ABHD12: variants seen among roughly 807,000 people sequenced by gnomAD.
ABHD12 encodes the protein lysophosphatidylserine lipase ABHD12.
Under a neutral mutation model 58.3 loss-of-function variants are expected in ABHD12, and 43 were observed. The observed-to-expected ratio is 0.74, with a 90% CI of 0.58 to 0.95. ABHD12 has a LOEUF of 0.95. ABHD12 is among the 40% of genes least tolerant of loss of function. The probability of loss-of-function intolerance (pLI) is 0.00; values close to 1 mark genes in which losing one functional copy is unlikely to be tolerated. For missense variants in ABHD12, 539 were observed against 537.2 expected, an observed-to-expected ratio of 1.00 and a Z score of -0.03; for synonymous variants, 219 against 211.2, an observed-to-expected ratio of 1.04 and a Z score of -0.32.
chr20:25,315,077 G>T, intron 5 of ABHD12, 107 bp from the exon 6 acceptor site: 2 of 1,170,172 alleles, frequency 1.7e-6, no homozygotes, highest in Non-Finnish European at 2.5e-6. Context: ...TGCCTTGTAC[G>T]TAGTGGCAGC....
At chr20:25,303,449 G>A (rs1419660840) in intron 11 of ABHD12, 101 bp downstream of exon 11, 2 of 1,550,894 alleles carry the variant, frequency 1.3e-6, no homozygotes, top group Admixed American at 3.8e-5. Context: ...GATGCAGCAT[G>A]CAGGGGCTGC....
chr20:25,380,750 G>A (rs1259430803), intron 1 of ABHD12, among the ~76,000 whole-genome samples: 2 of 152,092 alleles, frequency 1.3e-5, no homozygotes, highest in Non-Finnish European at 2.9e-5. Context: ...GTCCTGACTT[G>A]TCTGCTGGGA....
At position 25,371,004 on chromosome 20, in the gene ABHD12, T is replaced by C. The variant is rs567331534; in HGVS notation, c.191+19509A>G. Among the ~76,000 whole-genome samples the C allele has an allele frequency of 1.0e-3, 152 of 152,234 alleles. 1 individual carries two copies. The highest frequency in any genetic ancestry group is 3.6e-3 in the African/African-American group (148 of 41,540). On this transcript the variant is annotated intron_variant, in intron 1 of 12. Coordinates refer to ENST00000339157, the MANE Select transcript of ABHD12 (RefSeq NM_001042472.3). ...AGGCCCTTCACCATTTATTTTTAAT[T>C]GTTCTGCCTCTACTGTTCTACTTCC... is the stretch of plus-strand genomic sequence containing the variant.
chr20:25,383,547 G>A (rs1014014278), intron 1 of ABHD12, among the ~76,000 whole-genome samples: 4 of 152,192 alleles, frequency 2.6e-5, no homozygotes, highest in Admixed American at 6.5e-5. Context: ...TGGGCTGGGC[G>A]CGGTGGCTCA....
intron 2 of ABHD12, 85 bp from the exon 3 acceptor site, chr20:25,323,515 G>T: frequency 1.2e-6 from 1 of 835,886 alleles, no homozygotes; most frequent in Non-Finnish European, 2.1e-6. Flanking sequence ...TCACACACGT[G>T]CACAGATATG....
intron 1 of ABHD12, among the ~76,000 whole-genome samples, chr20:25,386,128 A>C (rs2090087232): frequency 6.9e-6 from 1 of 144,958 alleles, no homozygotes. Flanking sequence ...AATAATAAAA[A>C]TAAAAGTTTA....
chr20:25,372,285 C>T (rs1348938646), intron 1 of ABHD12, among the ~76,000 whole-genome samples: 1 of 152,062 alleles, frequency 6.6e-6, no homozygotes, highest in Non-Finnish European at 1.5e-5. Flanking sequence ...TCTCCACCTC[C>T]TGGCCTTAAG....
At chr20:25,307,661 C>T (rs1422183098) in intron 9 of ABHD12, among the ~76,000 whole-genome samples, 1 of 152,242 alleles carries the variant, frequency 6.6e-6, no homozygotes, top group East Asian at 1.9e-4. Context: ...CCCCCAGCTC[C>T]ACTCCTGAAC....
intron 2 of ABHD12, among the ~76,000 whole-genome samples, chr20:25,330,025 T>A (rs1023474399): frequency 6.6e-6 from 1 of 152,118 alleles, no homozygotes; most frequent in African/African-American, 2.4e-5. Flanking sequence ...AGAAGACGGG[T>A]GATTTCTGCA....
intron 1 of ABHD12, among the ~76,000 whole-genome samples, chr20:25,342,796 C>T (rs1044431427): frequency 1.3e-5 from 2 of 152,078 alleles, no homozygotes; most frequent in Admixed American, 1.3e-4. Context: ...CTATATTGCC[C>T]AGGCTGGTCT....
At chr20:25,343,269 T>C (rs965589476) in intron 1 of ABHD12, among the ~76,000 whole-genome samples, 1 of 152,232 alleles carries the variant, frequency 6.6e-6, no homozygotes, top group Non-Finnish European at 1.5e-5. Context: ...TGGGGAATTC[T>C]ACCAAACATT....
intron 1 of ABHD12, among the ~76,000 whole-genome samples, chr20:25,345,523 G>A (rs1336943453): frequency 2.6e-5 from 4 of 151,920 alleles, no homozygotes; most frequent in African/African-American, 7.3e-5. Flanking sequence ...CCACAGACTC[G>A]GAAAAACATA....
chr20:25,381,670 G>A (rs367839054), intron 1 of ABHD12, among the ~76,000 whole-genome samples: 15 of 143,948 alleles, frequency 1.0e-4, no homozygotes, highest in African/African-American at 3.4e-4. Context: ...ACAAAGTCTC[G>A]CTCTGTCACC....
chr20:25,303,621 G>A lies in ABHD12; in HGVS notation c.958C>T (p.His320Tyr). The A allele has an allele frequency of 1.2e-6, 2 of 1,613,680 alleles. No individual in the cohort carries two copies. The highest frequency in any genetic ancestry group is 1.6e-4 in the Middle Eastern group (1 of 6,062). The change falls in exon 11 of 13, where the codon CAC (histidine) becomes TAC (tyrosine). Residue 320 changes from histidine (H) to tyrosine (Y), a missense_variant. By Grantham distance (83) the His-to-Tyr change is moderately conservative (BLOSUM62 2). Transcript: ENST00000339157. ...IKFANDENVK[H>Y]ISCPLLILHA... ...AGGATGAGCAGGGGACAGGAGATGT[G>A]CTTCACGCTGTAGGAGGGAGAAGGG...
chr20:25,322,381 A>ATATATATATTTTTTTTTT lies in ABHD12; in HGVS notation c.422+943_422+944insAAAAAAAAAATATATATA. On this transcript the variant is annotated intron_variant, in intron 3 of 12. Coordinates refer to ENST00000339157, the MANE Select transcript of ABHD12 (RefSeq NM_001042472.3). The stretch of plus-strand genomic sequence containing the variant: ...GGAAAAGATATATATATATATATAT[A>ATATATATATTTTTTTTTT]TTTTTTTTTTTTTTTGAGACAAGAG... Among the ~76,000 whole-genome samples, 270 of 59,194 alleles carry ATATATATATTTTTTTTTT rather than the reference A, an allele frequency of 4.6e-3. 12 individuals are homozygous for ATATATATATTTTTTTTTT. The highest frequency in any genetic ancestry group is 0.019 in the Middle Eastern group (2 of 106). The allele number at this position is 59,194 out of a possible 152,430, so 38.8% of individuals were successfully genotyped here.
chr20:25,294,995 C>T (rs779295434), exon 13 of ABHD12: 1 of 1,614,210 alleles, frequency 6.2e-7, no homozygotes, highest in Admixed American at 1.7e-5. Context: ...TGACCACATG[C>T]TGGGATCTGG....
chr20:25,363,221 C>CTT lies in ABHD12; in HGVS notation c.192-23872_192-23871dup, dbSNP rs541419840. ...AGTAAATAAAATGATTGACATTTTA[C>CTT]TTTTTTTTTTTTTTTTTTGAGACAG... On this transcript the variant is annotated intron_variant, in intron 1 of 12. Transcript: ENST00000339157. 6.1e-3 allele frequency among the ~76,000 whole-genome samples: 816 copies of CTT among 133,494 alleles called. 7 individuals are homozygous for CTT. Among genetic ancestry groups the CTT allele is most frequent in the African/African-American group, 0.018 (664 of 36,412 alleles). 87.6% of individuals were successfully genotyped at this position (133,494 alleles called of 152,430 possible).
At chr20:25,350,003 T>C (rs1197785425) in intron 1 of ABHD12, among the ~76,000 whole-genome samples, 2 of 152,128 alleles carry the variant, frequency 1.3e-5, no homozygotes, top group African/African-American at 4.8e-5. Context: ...AGCAAACATA[T>C]CAGCTGCATC....
downstream of ABHD12, among the ~76,000 whole-genome samples, chr20:25,299,139 A>G (rs2088595326): frequency 2.0e-5 from 3 of 152,246 alleles, no homozygotes; most frequent in Non-Finnish European, 4.4e-5. Context: ...GCAATGGCTC[A>G]TGCCTATAAT....
Sources: gnomAD v4.1 joint callset for allele counts (sites outside exome capture counted in the v4.1 genomes callset) on GRCh38, gnomAD v4.1.1 for gene constraint, MANE v1.5 for transcripts, NCBI Gene and HGNC (gene_info 2026-07-23, HGNC 2026-07-21) for gene names.